The following NFASC variants were observed in gnomAD, a reference collection of about 807,000 sequenced individuals.
NFASC encodes neurofascin homolog.
In NFASC, 43 loss-of-function variants were observed where a neutral mutation model predicts 147.5. That is an observed-to-expected ratio of 0.29 (90% CI 0.23 to 0.38). The LOEUF (loss-of-function observed/expected upper bound fraction) is 0.38. Ranked by LOEUF, NFASC falls within the 10% of genes least tolerant of loss-of-function variation. The pLI, the probability that NFASC is intolerant of heterozygous loss-of-function variation, is 1.00. For synonymous variants in NFASC, 622 were observed against 665.5 expected, an observed-to-expected ratio of 0.93 and a Z score of 1.01; for missense variants, 1,320 against 1,689.0, an observed-to-expected ratio of 0.78 and a Z score of 3.83.
Position 205,010,031 on chromosome 1 carries a change from T to G in NFASC, c.3421+343T>G. The G allele has an allele frequency of 1.2e-5, 3 of 250,694 alleles. No homozygotes were observed. Among genetic ancestry groups the G allele is most frequent in the Non-Finnish European group, 1.6e-5 (2 of 127,518 alleles). 15.5% of individuals were successfully genotyped at this position (250,694 alleles called of 1,614,324 possible). A position where few individuals can be genotyped will look rare whatever the true frequency, so the allele number is the denominator to read the frequency against. On this transcript the variant is annotated intron_variant, in intron 28 of 29. Transcript: ENST00000339876. This position sits in a 1 kb window ranked among gnomAD's most constrained non-coding sequence, Gnocchi z 4.1. ...CAGCCTGAATCTCATTAGGATCCTG[T>G]GTCCCAGGGAAGGAGAAAGGAAGAG...
intron 2 of NFASC, among the ~76,000 whole-genome samples, chr1:204,923,493 C>T (rs2090928553): frequency 6.6e-6 from 1 of 152,174 alleles, no homozygotes; most frequent in Non-Finnish European, 1.5e-5. Context: ...TTCCCCAGGC[C>T]TTCAATTTCC....
chr1:204,955,551 A>C (rs1405834290), intron 7 of NFASC, among the ~76,000 whole-genome samples: 2 of 152,330 alleles, frequency 1.3e-5, no homozygotes, highest in African/African-American at 4.8e-5. Context: ...CAGCAGGGAC[A>C]GAGTAGCATC....
chr1:204,930,238 G>A (rs2092237888), intron 2 of NFASC, among the ~76,000 whole-genome samples: 1 of 152,182 alleles, frequency 6.6e-6, no homozygotes, highest in Non-Finnish European at 1.5e-5. Context: ...TGACAGGTCA[G>A]ACAGAAAGCT....
In NFASC at chr1:204,997,652, A is replaced by T. The variant is rs981951829; in HGVS notation, c.3019+246A>T. ...CTTGGGTGGTCCTCCACCACTCAGT[A>T]CCCCAAATTCTAGCTTCAGATCCCT... is the stretch of plus-strand genomic sequence containing the variant. On this transcript the variant is annotated intron_variant, in intron 25 of 29. Coordinates refer to ENST00000339876, the MANE Select transcript of NFASC (RefSeq NM_001005388.3). The T allele has an allele frequency of 8.5e-6, 5 of 584,816 alleles. 1 individual carries two copies. The South Asian group carries it at 9.9e-5, about 12-fold the overall frequency. 36.2% of individuals were successfully genotyped at this position (584,816 alleles called of 1,614,324 possible).
intron 2 of NFASC, among the ~76,000 whole-genome samples, chr1:204,935,715 G>A (rs960714601): frequency 1.3e-5 from 2 of 152,072 alleles, no homozygotes; most frequent in African/African-American, 4.8e-5. Context: ...TGGGCACCCC[G>A]GTCCTCAACA....
chr1:204,917,730 A>T (rs930252487), intron 1 of NFASC, among the ~76,000 whole-genome samples: 2 of 151,458 alleles, frequency 1.3e-5, no homozygotes, highest in African/African-American at 4.9e-5. Context: ...CTTTGACACG[A>T]CTCTACTGGT....
intron 1 of NFASC, among the ~76,000 whole-genome samples, chr1:204,893,468 C>T (rs984203320): frequency 2.0e-5 from 3 of 152,070 alleles, no homozygotes; most frequent in Admixed American, 2.0e-4. Context: ...CTGGGAAATG[C>T]CCATGTTTGA....
chr1:205,001,252 G>C lies in NFASC; in HGVS notation c.3102G>C (p.Gly1034=), dbSNP rs746420964. 1.2e-6 allele frequency: 2 copies of C among 1,612,196 alleles called. No individual in the cohort carries two copies. The highest frequency in any genetic ancestry group is 1.7e-6 in the Non-Finnish European group (2 of 1,179,070). The change falls in exon 26 of 30, where the codon GGG becomes GGC. Residue 1034 remains glycine, a synonymous_variant. Coordinates refer to ENST00000339876, the MANE Select transcript of NFASC (RefSeq NM_001005388.3). ...ACATCACCTGGAAGCACAATTTCGGGCCCGGAACTGACTTTGTGGTTGAGT... is the reference window on the plus strand; with the variant it reads ...ACATCACCTGGAAGCACAATTTCGGCCCCGGAACTGACTTTGTGGTTGAGT... ...WANITWKHNF[G]PGTDFVVEYI... is the part of the protein sequence containing the mutation.
In NFASC at chr1:204,899,402, G is replaced by T. The variant is rs138105945; in HGVS notation, c.-199-21230G>T. On this transcript the variant is annotated intron_variant, in intron 1 of 29. Transcript: ENST00000339876. ...AGGAGAAGCTCCTGGGGCTGAGGCC[G>T]GCAGCTGGGCAACACTCAGCATCTC... Among the ~76,000 whole-genome samples, 7 of 136,156 alleles carry T rather than the reference G, an allele frequency of 5.1e-5. No homozygotes were observed. The South Asian group carries it at 1.1e-3, about 21-fold the overall frequency. 89.3% of individuals were successfully genotyped at this position (136,156 alleles called of 152,430 possible).
At chr1:204,901,456 C>T (rs1051166930) in intron 1 of NFASC, among the ~76,000 whole-genome samples, 1 of 151,996 alleles carries the variant, frequency 6.6e-6, no homozygotes, top group African/African-American at 2.4e-5. Context: ...ATGGAGTGCT[C>T]GCTTGTGTTA....
At position 205,002,581 on chromosome 1, in the gene NFASC, G is replaced by A; in HGVS notation, c.3137-15G>A. 1 of 1,470,564 alleles carries A rather than the reference G, an allele frequency of 6.8e-7. No individual in the cohort carries two copies. Among genetic ancestry groups the A allele is most frequent in the Non-Finnish European group, 9.2e-7 (1 of 1,090,102 alleles). The allele number at this position is 1,470,564 out of a possible 1,614,324, so 91.1% of individuals were successfully genotyped here. ...GGTGCCTGGCTCTAGGCTGATTGAGGTTTCTGTTCCCCAGGCAACCATACG... is the reference window on the plus strand; with the variant it reads ...GGTGCCTGGCTCTAGGCTGATTGAGATTTCTGTTCCCCAGGCAACCATACG... On this transcript the variant is annotated splice_polypyrimidine_tract_variant and intron_variant, in intron 26 of 29. Coordinates refer to ENST00000339876, the MANE Select transcript of NFASC (RefSeq NM_001005388.3).
intron 26 of NFASC, 27 bp downstream of exon 26, chr1:205,001,313 TGGCGGCAGCGGCGTC>T (rs752378103): frequency 4.0e-6 from 6 of 1,495,388 alleles, no homozygotes; most frequent in Admixed American, 1.7e-5. Flanking sequence ...GGGGTGGTGG[TGGCGGCAGCGGCGTC>T]GGCAGCAGCG....
intron 1 of NFASC, among the ~76,000 whole-genome samples, chr1:204,874,465 C>T (rs1028558694): frequency 6.6e-6 from 1 of 152,228 alleles, no homozygotes; most frequent in Non-Finnish European, 1.5e-5. Context: ...TGCTTGGGGG[C>T]CTGGGAGTGG....
intron 1 of NFASC, among the ~76,000 whole-genome samples, chr1:204,870,346 T>A (rs1315274937): frequency 6.6e-6 from 1 of 152,152 alleles, no homozygotes; most frequent in Non-Finnish European, 1.5e-5. Flanking sequence ...CGGGAGCCAT[T>A]GTCCTGTGTG....
rs147387188 is a variant in NFASC at position 204,954,278 on chromosome 1, C to A, written c.306C>A (p.Asp102Glu). Residue 102 changes from aspartate (D) to glutamate (E), a missense_variant, in exon 6 of 30, where the codon GAC (aspartate) becomes GAA (glutamate). Transcript: ENST00000339876. This position sits in a 1 kb window ranked among gnomAD's most constrained non-coding sequence, Gnocchi z 5.7. ...GGAGGTCTGGGACCCTGGTGATTGA[C>A]TTCCGCAGTGGCGGGCGGCCGGAGG... ...MRRRSGTLVI[D>E]FRSGGRPEEY... 2,582 of 1,614,132 alleles carry A rather than the reference C, an allele frequency of 1.6e-3. 6 individuals are homozygous for A. Among genetic ancestry groups the A allele is most frequent in the Non-Finnish European group, 2.0e-3 (2,365 of 1,180,052 alleles).
Position 204,986,161 on chromosome 1 carries a change from C to A in NFASC, c.2471-1257C>A. 1 of 1,428,826 alleles carries A rather than the reference C, an allele frequency of 7.0e-7. No individual in the cohort carries two copies. The highest frequency in any genetic ancestry group is 9.9e-7 in the Non-Finnish European group (1 of 1,012,458). 88.5% of individuals were successfully genotyped at this position (1,428,826 alleles called of 1,614,324 possible). A position where few individuals can be genotyped will look rare whatever the true frequency, so the allele number is the denominator to read the frequency against. On this transcript the variant is annotated intron_variant, in intron 21 of 29. Coordinates refer to ENST00000339876, the MANE Select transcript of NFASC (RefSeq NM_001005388.3). This position sits in a 1 kb window ranked among gnomAD's most constrained non-coding sequence, Gnocchi z 4.2. ...TCAGGGTGGGGCAGGAGAAGGGTGG[C>A]ACACACCTTGGGCCTGGAGAAACTC...
At chr1:204,945,921 G>A (rs1216054832) in intron 3 of NFASC, among the ~76,000 whole-genome samples, 7 of 152,202 alleles carry the variant, frequency 4.6e-5, no homozygotes, top group Non-Finnish European at 1.0e-4. Flanking sequence ...TCACTCACCT[G>A]CTGCTTTGAT....
chr1:204,928,716 C>T (rs1436044257), intron 2 of NFASC, among the ~76,000 whole-genome samples: 2 of 152,170 alleles, frequency 1.3e-5, no homozygotes, highest in Non-Finnish European at 2.9e-5. Flanking sequence ...AGAACACAGA[C>T]GTCTCTGTGT....
Position 205,001,742 on chromosome 1 carries a change from C to T in NFASC, c.3136+456C>T, listed in dbSNP as rs142621118. Among the ~76,000 whole-genome samples, 398 of 152,290 alleles carry T rather than the reference C, an allele frequency of 2.6e-3. 3 individuals are homozygous for T. Among genetic ancestry groups the T allele is most frequent in the African/African-American group, 8.0e-3 (331 of 41,558 alleles). On this transcript the variant is annotated intron_variant, in intron 26 of 29. Coordinates refer to ENST00000339876, the MANE Select transcript of NFASC (RefSeq NM_001005388.3). ...CCCCAGTCAGAGCCACAGACCAGAG[C>T]CATTTGTCCCAGCTGGTGGCTTGAG...
Sources: gnomAD v4.1 joint callset for allele counts (sites outside exome capture counted in the v4.1 genomes callset) on GRCh38, gnomAD v4.1.1 for gene constraint, Gnocchi (gnomAD v3.1) non-coding constraint, MANE v1.5 for transcripts, NCBI Gene and HGNC (gene_info 2026-07-23, HGNC 2026-07-21) for gene names.